Variants in NUBPL observed in about 807,000 individuals in gnomAD.
NUBPL encodes the protein iron-sulfur cluster transfer protein NUBPL.
Under a neutral mutation model 45.7 loss-of-function variants are expected in NUBPL, and 31 were observed. That is an observed-to-expected ratio of 0.68 (90% CI 0.51 to 0.92). The LOEUF (loss-of-function observed/expected upper bound fraction) is 0.92. Ranked by LOEUF, NUBPL falls within the 40% of genes least tolerant of loss-of-function variation. The pLI is 0.00. For synonymous variants in NUBPL, 144 were observed against 140.9 expected, an observed-to-expected ratio of 1.02 and a Z score of -0.15; for missense variants, 401 against 398.7, an observed-to-expected ratio of 1.01 and a Z score of -0.05.
intron 7 of NUBPL, among the ~76,000 whole-genome samples, chr14:31,811,806 G>A (rs1001441361): frequency 1.3e-5 from 2 of 152,026 alleles, no homozygotes; most frequent in African/African-American, 4.8e-5. Context: ...GGGTTTTTTT[G>A]TGGATGTCCT....
At chr14:31,857,022 G>A (rs1235232961) in intron 10 of NUBPL, among the ~76,000 whole-genome samples, 2 of 152,160 alleles carry the variant, frequency 1.3e-5, no homozygotes, top group African/African-American at 2.4e-5. Context: ...TTTCTCTTCT[G>A]CACTGCCCTA....
chr14:31,629,777 C>T (rs2035295362), intron 4 of NUBPL, among the ~76,000 whole-genome samples: 2 of 152,100 alleles, frequency 1.3e-5, no homozygotes, highest in Non-Finnish European at 2.9e-5. Flanking sequence ...GAGAACATGT[C>T]ATACTTCTCA....
At chr14:31,754,446 A>G (rs899875052) in intron 6 of NUBPL, among the ~76,000 whole-genome samples, 1 of 152,146 alleles carries the variant, frequency 6.6e-6, no homozygotes, top group Admixed American at 6.5e-5. Flanking sequence ...ATGAGAATGC[A>G]ATAAGTAAAT....
intron 8 of NUBPL, among the ~76,000 whole-genome samples, chr14:31,831,743 T>C (rs952676185): frequency 4.6e-5 from 7 of 152,152 alleles, no homozygotes; most frequent in Non-Finnish European, 8.8e-5. Flanking sequence ...CATTGGTGTA[T>C]TGCCAGGTTT....
At chr14:31,600,709 T>A (rs1300041998) in intron 4 of NUBPL, among the ~76,000 whole-genome samples, 1 of 152,016 alleles carries the variant, frequency 6.6e-6, no homozygotes, top group African/African-American at 2.4e-5. Context: ...AGGTTGCCTG[T>A]TCACTCTGAT....
intron 1 of NUBPL, 168 bp downstream of exon 1, chr14:31,561,715 C>A (rs991987015): frequency 2.4e-5 from 13 of 548,356 alleles, no homozygotes; most frequent in African/African-American, 2.1e-4. Flanking sequence ...CGTGGCGGGA[C>A]TTGAAACACA....
intron 6 of NUBPL, among the ~76,000 whole-genome samples, chr14:31,776,161 C>G (rs1001076122): frequency 6.6e-6 from 1 of 152,158 alleles, no homozygotes; most frequent in African/African-American, 2.4e-5. Context: ...TCAGGCCACA[C>G]AAAATCTGGA....
At chr14:31,713,490 A>G (rs2037622858) in intron 6 of NUBPL, among the ~76,000 whole-genome samples, 1 of 152,150 alleles carries the variant, frequency 6.6e-6, no homozygotes, top group Non-Finnish European at 1.5e-5. Context: ...ACCCATTGGT[A>G]CATTCCTTTT....
intron 3 of NUBPL, among the ~76,000 whole-genome samples, chr14:31,587,839 TA>T (rs1394742299): frequency 4.6e-5 from 7 of 152,332 alleles, no homozygotes; most frequent in African/African-American, 1.4e-4. Context: ...TAAATTCAGA[TA>T]AAAATAATAA....
chr14:31,793,180 C>T (rs1215953172), intron 7 of NUBPL, among the ~76,000 whole-genome samples: 1 of 152,030 alleles, frequency 6.6e-6, no homozygotes, highest in Non-Finnish European at 1.5e-5. Context: ...CTCTCCTTCC[C>T]AGTAAACACC....
chr14:31,668,656 T>C (rs2036496586), intron 4 of NUBPL, among the ~76,000 whole-genome samples: 2 of 152,194 alleles, frequency 1.3e-5, no homozygotes, highest in Admixed American at 1.3e-4. Flanking sequence ...TGCCCAGTTT[T>C]GTGCTTGAAA....
At chr14:31,627,608 T>A (rs1414313831) in intron 4 of NUBPL, among the ~76,000 whole-genome samples, 1 of 151,540 alleles carries the variant, frequency 6.6e-6, no homozygotes, top group African/African-American at 2.4e-5. Context: ...CTACTAACAA[T>A]AGAAAAAATT....
intron 6 of NUBPL, among the ~76,000 whole-genome samples, chr14:31,766,588 A>T (rs1223154284): frequency 6.6e-6 from 1 of 152,220 alleles, no homozygotes. Flanking sequence ...CATTTACTAT[A>T]AACAACTGCT....
intron 4 of NUBPL, among the ~76,000 whole-genome samples, chr14:31,668,241 T>G (rs764887486): frequency 3.3e-5 from 5 of 152,162 alleles, no homozygotes; most frequent in Non-Finnish European, 7.3e-5. Flanking sequence ...CTGCCTTTCT[T>G]TCAGAGATTC....
intron 6 of NUBPL, among the ~76,000 whole-genome samples, chr14:31,679,328 G>A (rs1028166038): frequency 2.0e-5 from 3 of 152,044 alleles, no homozygotes; most frequent in Admixed American, 1.3e-4. Flanking sequence ...GTGTTCCTGC[G>A]TTGGGGGCGG....
intron 4 of NUBPL, among the ~76,000 whole-genome samples, chr14:31,621,695 G>C (rs755149807): frequency 2.0e-5 from 3 of 152,338 alleles, no homozygotes; most frequent in East Asian, 3.9e-4. Context: ...CTTCTGCGTC[G>C]ATCTCGCTGG....
chr14:31,646,101 G>A (rs762966415), intron 4 of NUBPL, among the ~76,000 whole-genome samples: 3 of 152,024 alleles, frequency 2.0e-5, no homozygotes, highest in Non-Finnish European at 4.4e-5. Context: ...CTTTGTCTGG[G>A]AAAGACTATC....
chr14:31,737,093 A>ATCTTATT (rs58551765), intron 6 of NUBPL, among the ~76,000 whole-genome samples: 68,977 of 151,454 alleles, frequency 0.46, 16,805 homozygotes, highest in African/African-American at 0.65. Context: ...TGTTGCAGAT[A>ATCTTATT]TCAATCAATG....
intron 7 of NUBPL, among the ~76,000 whole-genome samples, chr14:31,790,541 A>T (rs1243387322): frequency 6.6e-6 from 1 of 151,916 alleles, no homozygotes; most frequent in Non-Finnish European, 1.5e-5. Flanking sequence ...TCAAACTGAA[A>T]CTCTGGAGCT....
Sources: gnomAD v4.1 joint callset for allele counts (sites outside exome capture counted in the v4.1 genomes callset) on GRCh38, gnomAD v4.1.1 for gene constraint, MANE v1.5 for transcripts, NCBI Gene and HGNC (gene_info 2026-07-23, HGNC 2026-07-21) for gene names.